Variants in MDGA2 observed in about 807,000 individuals in gnomAD.
MDGA2 encodes MAM domain containing glycosylphosphatidylinositol anchor 2.
A neutral mutation model predicts 117.8 loss-of-function variants in MDGA2; 40 were observed. The ratio of observed to expected loss-of-function variants is 0.34; its 90% CI spans 0.26 to 0.44. The LOEUF (loss-of-function observed/expected upper bound fraction) is 0.44. Ranked by LOEUF, MDGA2 falls within the 20% of genes least tolerant of loss-of-function variation. The pLI, the probability that MDGA2 is intolerant of heterozygous loss-of-function variation, is 1.00. For missense variants in MDGA2, 1,123 were observed against 1,250.6 expected (o/e 0.90, Z 1.54); for synonymous variants, 452 against 439.0 (o/e 1.03, Z -0.37).
intron 1 of MDGA2, among the ~76,000 whole-genome samples, chr14:47,621,468 G>C (rs926403258): frequency 1.3e-5 from 2 of 152,056 alleles, no homozygotes; most frequent in African/African-American, 4.8e-5. Flanking sequence ...AGGACTACAA[G>C]AGCTCACCAC....
chr14:47,102,190 T>A (rs1880362736), intron 5 of MDGA2, among the ~76,000 whole-genome samples: 1 of 152,154 alleles, frequency 6.6e-6, no homozygotes. Flanking sequence ...GGAACCCAGC[T>A]TTCCATCCAG....
chr14:47,612,532 C>T (rs1896870788), intron 1 of MDGA2, among the ~76,000 whole-genome samples: 1 of 152,060 alleles, frequency 6.6e-6, no homozygotes, highest in Admixed American at 6.6e-5. Flanking sequence ...TCCGTCATCT[C>T]AATTTTAAAT....
rs139398488 is a variant in MDGA2 at position 47,364,559 on chromosome 14, G to T, written c.281-63009C>A. Among the ~76,000 whole-genome samples, 315 of 152,184 alleles carry T rather than the reference G, an allele frequency of 2.1e-3. 1 individual carries two copies. Among genetic ancestry groups the T allele is most frequent in the African/African-American group, 7.2e-3 (297 of 41,536 alleles). The stretch of plus-strand genomic sequence containing the variant: ...GATTACAGGCGTGAGCCACCGCGCC[G>T]GCCCCAGAATTAAATTAAATGATAG... On this transcript the variant is annotated intron_variant, in intron 1 of 16. Transcript: ENST00000399232.
chr14:47,413,967 G>A (rs914586985), intron 1 of MDGA2, among the ~76,000 whole-genome samples: 2 of 151,974 alleles, frequency 1.3e-5, no homozygotes, highest in African/African-American at 4.8e-5. Flanking sequence ...AAGTTCCAAG[G>A]AAAGAAGAGT....
intron 1 of MDGA2, among the ~76,000 whole-genome samples, chr14:47,605,011 G>C (rs1262192805): frequency 1.3e-5 from 2 of 151,980 alleles, no homozygotes; most frequent in Non-Finnish European, 2.9e-5. Flanking sequence ...TTGGTTGGGG[G>C]GGGTGTATGC....
chr14:47,556,387 T>C lies in MDGA2; in HGVS notation c.280+118130A>G, dbSNP rs143355850. ...CAATACATTCCCACTCCTGATCCTT[T>C]CTTCACACAATCCCCTGGGTCAGGA... On this transcript the variant is annotated intron_variant, in intron 1 of 16. Coordinates refer to ENST00000399232, the MANE Select transcript of MDGA2 (RefSeq NM_001113498.3). 1.7e-3 allele frequency among the ~76,000 whole-genome samples: 261 copies of C among 152,332 alleles called. 2 individuals are homozygous for C. The highest frequency in any genetic ancestry group is 6.2e-3 in the African/African-American group (256 of 41,590).
intron 3 of MDGA2, among the ~76,000 whole-genome samples, chr14:47,152,469 C>A (rs1594672841): frequency 6.6e-6 from 1 of 152,138 alleles, no homozygotes; most frequent in African/African-American, 2.4e-5. Flanking sequence ...TTTATAGAAA[C>A]CTCGTCTCTT....
intron 8 of MDGA2, among the ~76,000 whole-genome samples, chr14:47,022,154 G>A (rs926402723): frequency 1.3e-5 from 2 of 151,978 alleles, no homozygotes; most frequent in African/African-American, 4.8e-5. Context: ...ACACAATAAC[G>A]GCTCACTGCA....
chr14:47,070,322 C>G (rs963231052), intron 6 of MDGA2, among the ~76,000 whole-genome samples: 4 of 152,040 alleles, frequency 2.6e-5, no homozygotes, highest in Non-Finnish European at 4.4e-5. Flanking sequence ...CACGACAAAA[C>G]TTGAAAATTT....
At chr14:46,912,959 C>T (rs951275431) in intron 10 of MDGA2, among the ~76,000 whole-genome samples, 6 of 152,080 alleles carry the variant, frequency 3.9e-5, no homozygotes, top group Admixed American at 1.3e-4. Context: ...ATTTCTTTTC[C>T]AGAGCCAGAG....
At chr14:47,322,303 C>T (rs1295649181) in intron 1 of MDGA2, among the ~76,000 whole-genome samples, 1 of 152,122 alleles carries the variant, frequency 6.6e-6, no homozygotes. Context: ...AACATTTTCT[C>T]TTCTTTAATA....
At chr14:47,348,655 A>G (rs890565400) in intron 1 of MDGA2, among the ~76,000 whole-genome samples, 1 of 152,226 alleles carries the variant, frequency 6.6e-6, no homozygotes, top group Non-Finnish European at 1.5e-5. Flanking sequence ...AGAAAGGAAC[A>G]GAATACCTCC....
intron 5 of MDGA2, among the ~76,000 whole-genome samples, chr14:47,121,497 TTAG>T (rs1487846081): frequency 1.3e-5 from 2 of 152,046 alleles, no homozygotes. Context: ...AATATATATA[TTAG>T]TAGATAGATT....
intron 2 of MDGA2, among the ~76,000 whole-genome samples, chr14:47,268,778 G>A (rs953338088): frequency 6.6e-6 from 1 of 152,186 alleles, no homozygotes; most frequent in African/African-American, 2.4e-5. Flanking sequence ...AACTATGTCT[G>A]AAACATTCTC....
At chr14:47,505,839 A>AT (rs1390717630) in intron 1 of MDGA2, among the ~76,000 whole-genome samples, 1 of 152,104 alleles carries the variant, frequency 6.6e-6, no homozygotes, top group Non-Finnish European at 1.5e-5. Flanking sequence ...TTGTCTATTG[A>AT]TTTTTTACTT....
intron 1 of MDGA2, among the ~76,000 whole-genome samples, chr14:47,319,074 TA>T (rs1229837657): frequency 2.6e-5 from 4 of 152,192 alleles, no homozygotes; most frequent in Non-Finnish European, 5.9e-5. Flanking sequence ...CTTTTACATA[TA>T]AAAATGTCTG....
intron 14 of MDGA2, among the ~76,000 whole-genome samples, chr14:46,862,217 C>A (rs114778025): frequency 1.3e-5 from 2 of 151,616 alleles, no homozygotes; most frequent in African/African-American, 4.8e-5. Context: ...TTTCTTAATT[C>A]TCATCTTTTG....
chr14:47,271,871 T>C (rs1374199736), intron 2 of MDGA2, among the ~76,000 whole-genome samples: 1 of 152,170 alleles, frequency 6.6e-6, no homozygotes, highest in Non-Finnish European at 1.5e-5. Context: ...GAAAAACTGT[T>C]TTAATCTAGG....
intron 1 of MDGA2, among the ~76,000 whole-genome samples, chr14:47,602,278 C>T (rs985170465): frequency 3.9e-5 from 6 of 152,036 alleles, no homozygotes; most frequent in Non-Finnish European, 5.9e-5. Context: ...TCCAAAAACA[C>T]GGGTAAGACC....
Sources: allele counts gnomAD v4.1 joint callset (sites outside exome capture counted in the v4.1 genomes callset), GRCh38; gene constraint gnomAD v4.1.1; transcripts MANE v1.5; gene names NCBI Gene and HGNC (gene_info 2026-07-23, HGNC 2026-07-21).